Variants in FAM20B observed in about 807,000 individuals in gnomAD.
FAM20B encodes glycosaminoglycan xylosylkinase.
In FAM20B, 23 loss-of-function variants were observed where a neutral mutation model predicts 43.8. The observed-to-expected ratio is 0.53, with a 90% CI of 0.38 to 0.74. The LOEUF is 0.74. FAM20B is among the 30% of genes least tolerant of loss of function. FAM20B has a pLI of 0.00. For missense variants in FAM20B, 440 were observed against 510.5 expected (o/e 0.86, Z 1.33); for synonymous variants, 178 against 192.4 (o/e 0.93, Z 0.62).
In FAM20B at chr1:179,043,818, T is replaced by TG; in HGVS notation, c.-27dup. The TG allele has an allele frequency of 6.4e-7, 1 of 1,553,622 alleles. No individual in the cohort carries two copies. Among genetic ancestry groups the TG allele is most frequent in the African/African-American group, 1.4e-5 (1 of 73,458 alleles). ...GCTCTCCTTAATACATGAGCAAGAG[T>TG]GGGTCAGGGGAGAAGGAAAAGAGGT... On this transcript the variant is annotated 5_prime_UTR_variant, in exon 2 of 8. Coordinates refer to ENST00000263733, the MANE Select transcript of FAM20B (RefSeq NM_014864.4).
chr1:179,029,499 G>T (rs920326570), intron 1 of FAM20B, among the ~76,000 whole-genome samples: 2 of 152,226 alleles, frequency 1.3e-5, no homozygotes, highest in East Asian at 3.8e-4. Flanking sequence ...GGGATGTAAA[G>T]AATCTACATG....
chr1:179,022,211 G>A (rs1649614886), upstream of FAM20B, among the ~76,000 whole-genome samples: 1 of 152,336 alleles, frequency 6.6e-6, no homozygotes, highest in South Asian at 2.1e-4. Flanking sequence ...CCAATGCAGA[G>A]AACAAACCTG....
At chr1:179,064,585 A>C in intron 6 of FAM20B, 89 bp downstream of exon 6, 1 of 1,021,540 alleles carries the variant, frequency 9.8e-7, no homozygotes, top group Non-Finnish European at 1.4e-6. Context: ...AATATCCAGA[A>C]TGCAATTGAT....
chr1:179,040,492 A>G (rs1418709883), intron 1 of FAM20B, among the ~76,000 whole-genome samples: 1 of 112,764 alleles, frequency 8.9e-6, no homozygotes, highest in Non-Finnish European at 1.8e-5. Context: ...CGGGGGGCTG[A>G]CCCCCCCACC....
upstream of FAM20B, among the ~76,000 whole-genome samples, chr1:179,025,641 G>C (rs573111558): frequency 3.2e-4 from 49 of 152,334 alleles, 2 homozygotes; most frequent in Non-Finnish European, 3.4e-4. Context: ...AGCGAAGGAA[G>C]TGAGAAGTGA....
chr1:179,072,256 G>C lies in FAM20B; in HGVS notation c.*112G>C. 1 of 810,878 alleles carries C rather than the reference G, an allele frequency of 1.2e-6. No individual in the cohort carries two copies. Among genetic ancestry groups the C allele is most frequent in the Non-Finnish European group, 2.0e-6 (1 of 510,206 alleles). 50.2% of individuals were successfully genotyped at this position (810,878 alleles called of 1,614,324 possible). A position where few individuals can be genotyped will look rare whatever the true frequency, so the allele number is the denominator to read the frequency against. On this transcript the variant is annotated 3_prime_UTR_variant, in exon 8 of 8. Transcript: ENST00000263733. ...GTGGCCAGCAGCAAGTTCTGGTGAC[G>C]GGACAGAGTGGCCTTGGATGTCTTT...
intron 4 of FAM20B, among the ~76,000 whole-genome samples, chr1:179,055,210 C>T (rs549395072): frequency 1.3e-5 from 2 of 152,278 alleles, no homozygotes; most frequent in Non-Finnish European, 1.5e-5. Flanking sequence ...ATTATCTTAA[C>T]TCTGAGGTAA....
chr1:179,051,109 G>A (rs1338676958), intron 3 of FAM20B, among the ~76,000 whole-genome samples: 2 of 144,428 alleles, frequency 1.4e-5, no homozygotes, highest in Non-Finnish European at 3.0e-5. Context: ...GCGACAGAGC[G>A]AGACTCTGTC....
At chr1:179,059,543 A>C (rs1370522203) in intron 4 of FAM20B, among the ~76,000 whole-genome samples, 1 of 152,164 alleles carries the variant, frequency 6.6e-6, no homozygotes, top group East Asian at 1.9e-4. Context: ...AGTTATGAAG[A>C]TTCTTACTTA....
intron 1 of FAM20B, chr1:179,035,365 G>A: frequency 1.4e-6 from 1 of 701,806 alleles, no homozygotes; most frequent in Non-Finnish European, 2.6e-6. Flanking sequence ...TCGGGGTAGG[G>A]GTGTTCGGTC....
chr1:179,061,010 C>A (rs182919870), intron 4 of FAM20B, among the ~76,000 whole-genome samples: 1 of 151,168 alleles, frequency 6.6e-6, no homozygotes, highest in East Asian at 1.9e-4. Context: ...GTCTTACTGA[C>A]GTATAGGAGT....
chr1:179,050,584 A>G (rs1291854023), intron 3 of FAM20B, among the ~76,000 whole-genome samples: 5 of 152,142 alleles, frequency 3.3e-5, no homozygotes. Context: ...TCTTTAGGTC[A>G]TTTCATTTCT....
intron 4 of FAM20B, among the ~76,000 whole-genome samples, chr1:179,061,558 C>T (rs1370106369): frequency 6.6e-6 from 1 of 152,002 alleles, no homozygotes. Context: ...CATGAGTCAC[C>T]ATGCCTGGCT....
At chr1:179,071,270 T>TG (rs1302102429) in intron 7 of FAM20B, among the ~76,000 whole-genome samples, 1 of 152,020 alleles carries the variant, frequency 6.6e-6, no homozygotes, top group Non-Finnish European at 1.5e-5. Flanking sequence ...CACTCCAGCC[T>TG]GGGCGACAGA....
Position 179,036,484 on chromosome 1 carries a change from A to G in FAM20B, c.-133-7231A>G, listed in dbSNP as rs146116722. 6.3e-3 allele frequency among the ~76,000 whole-genome samples: 961 copies of G among 152,316 alleles called. 10 individuals are homozygous for G. The highest frequency in any genetic ancestry group is 0.021 in the African/African-American group (891 of 41,566). ...ATCGGAGGAGCTGAGGGTGTGAAAT[A>G]GAGCAGGCACATTCTTCTGAGAATG... On this transcript the variant is annotated intron_variant, in intron 1 of 7. Coordinates refer to ENST00000263733, the MANE Select transcript of FAM20B (RefSeq NM_014864.4).
chr1:179,023,361 A>C (rs976307842), upstream of FAM20B, among the ~76,000 whole-genome samples: 2 of 152,244 alleles, frequency 1.3e-5, no homozygotes, highest in African/African-American at 4.8e-5. Flanking sequence ...TGTCTTTAAA[A>C]ATCCTTGCAG....
At chr1:179,067,983 A>G (rs10737336) in intron 7 of FAM20B, among the ~76,000 whole-genome samples, 130,928 of 152,086 alleles carry the variant, frequency 0.86, 56,903 homozygotes, top group East Asian at 1. Flanking sequence ...GGCTGGTGTC[A>G]AACTATTGAC....
intron 1 of FAM20B, chr1:179,035,311 A>T: frequency 1.5e-6 from 1 of 660,264 alleles, no homozygotes; most frequent in South Asian, 1.4e-5. Context: ...AGCTCCTTAC[A>T]CGGGCTTTGG....
At chr1:179,023,135 C>A (rs186264890), upstream of FAM20B, among the ~76,000 whole-genome samples, 14 of 152,312 alleles carry the variant, frequency 9.2e-5, no homozygotes, top group African/African-American at 3.1e-4. Flanking sequence ...CACGGACAAG[C>A]CTCTGGTGGG....
Sources: allele counts gnomAD v4.1 joint callset (sites outside exome capture counted in the v4.1 genomes callset), GRCh38; gene constraint gnomAD v4.1.1; transcripts MANE v1.5; gene names NCBI Gene and HGNC (gene_info 2026-07-23, HGNC 2026-07-21).